RNF130: variants seen among roughly 807,000 people sequenced by gnomAD.
The protein encoded by RNF130 is ring finger protein 130, also known as E3 ubiquitin-protein ligase RNF130.
Under a neutral mutation model 44.6 loss-of-function variants are expected in RNF130, and 21 were observed. The ratio of observed to expected loss-of-function variants is 0.47; its 90% CI spans 0.33 to 0.68. The LOEUF (loss-of-function observed/expected upper bound fraction) is 0.68. RNF130 is among the 30% of genes least tolerant of loss of function. The pLI is 0.02. For missense variants in RNF130, 479 were observed against 560.6 expected (o/e 0.85, Z 1.47); for synonymous variants, 214 against 210.4 (o/e 1.02, Z -0.15).
At chr5:180,057,972 T>G (rs1764878337) in intron 1 of RNF130, among the ~76,000 whole-genome samples, 1 of 152,324 alleles carries the variant, frequency 6.6e-6, no homozygotes, top group Middle Eastern at 3.4e-3. Context: ...GGGTCTGCGC[T>G]AACTTTACCA....
chr5:180,035,218 ATG>A (rs1764219575), intron 2 of RNF130, among the ~76,000 whole-genome samples: 1 of 152,056 alleles, frequency 6.6e-6, no homozygotes, highest in Non-Finnish European at 1.5e-5. Flanking sequence ...ACAAATTCGG[ATG>A]TGTTTTCATT....
intron 1 of RNF130, among the ~76,000 whole-genome samples, chr5:180,063,520 T>C (rs1765033624): frequency 6.6e-6 from 1 of 152,168 alleles, no homozygotes. Context: ...GGAGATGTCT[T>C]TGTGACACTG....
At chr5:180,038,390 GAA>G (rs376909280) in intron 2 of RNF130, among the ~76,000 whole-genome samples, 17,829 of 128,312 alleles carry the variant, frequency 0.14, 1,303 homozygotes, top group East Asian at 0.29. Context: ...CGGGGAGGGG[GAA>G]AAAAAAAAAG....
chr5:179,914,106 C>T (rs551948306), exon 8 of RNF130: 2 of 152,372 alleles, frequency 1.3e-5, no homozygotes, highest in Admixed American at 6.5e-5. Flanking sequence ...AACAGCCTTT[C>T]CTAATGGGCT....
intron 2 of RNF130, chr5:180,015,273 A>G: frequency 2.0e-6 from 1 of 493,948 alleles, no homozygotes; most frequent in South Asian, 1.5e-5. Context: ...ATCTCTTAAA[A>G]TGTTGTTCAA....
chr5:179,920,796 T>TATAA (rs200144083), intron 7 of RNF130, among the ~76,000 whole-genome samples: 1 of 108,732 alleles, frequency 9.2e-6, no homozygotes, highest in Admixed American at 8.5e-5. Context: ...TATATATATA[T>TATAA]TTTTTTTTTT....
At chr5:180,056,109 A>C (rs1252553423) in intron 1 of RNF130, among the ~76,000 whole-genome samples, 1 of 152,052 alleles carries the variant, frequency 6.6e-6, no homozygotes, top group Non-Finnish European at 1.5e-5. Context: ...CAAAAACAAA[A>C]AAACAAACAA....
chr5:179,979,904 C>A (rs1233472872), intron 4 of RNF130, among the ~76,000 whole-genome samples: 3 of 152,108 alleles, frequency 2.0e-5, no homozygotes, highest in African/African-American at 4.8e-5. Context: ...ATGGTCCCAC[C>A]AGAATTCTCT....
At chr5:180,020,948 TG>T (rs1396362374) in intron 2 of RNF130, among the ~76,000 whole-genome samples, 1 of 152,218 alleles carries the variant, frequency 6.6e-6, no homozygotes, top group East Asian at 1.9e-4. Flanking sequence ...ACAGGTCACC[TG>T]GATTTAAGTC....
intron 4 of RNF130, 65 bp from the exon 5 acceptor site, chr5:179,978,350 T>C: frequency 9.6e-7 from 1 of 1,039,386 alleles, no homozygotes; most frequent in Non-Finnish European, 1.5e-6. Context: ...TGGGATGCAA[T>C]TCAGCTCAGA....
At chr5:180,059,242 T>C (rs955088369) in intron 1 of RNF130, among the ~76,000 whole-genome samples, 2 of 152,244 alleles carry the variant, frequency 1.3e-5, no homozygotes, top group African/African-American at 4.8e-5. Context: ...TATCTGCTCA[T>C]GCTGCCGTCT....
intron 1 of RNF130, among the ~76,000 whole-genome samples, chr5:180,048,537 C>G (rs1764621790): frequency 6.6e-6 from 1 of 152,086 alleles, no homozygotes; most frequent in Non-Finnish European, 1.5e-5. Flanking sequence ...CTTTGGGAGG[C>G]TGAGGTGGGA....
At chr5:179,968,992 C>T (rs143471957) in intron 6 of RNF130, among the ~76,000 whole-genome samples, 2,664 of 152,292 alleles carry the variant, frequency 0.017, 33 homozygotes, top group Non-Finnish European at 0.028. Flanking sequence ...CATTACTGCC[C>T]AACTGTATAC....
At chr5:180,009,913 C>A (rs976536271) in intron 3 of RNF130, among the ~76,000 whole-genome samples, 1 of 151,770 alleles carries the variant, frequency 6.6e-6, no homozygotes, top group African/African-American at 2.4e-5. Flanking sequence ...GGATATAGTT[C>A]GGCCATAAAA....
chr5:180,035,474 T>C (rs1455618700), intron 2 of RNF130, among the ~76,000 whole-genome samples: 1 of 152,252 alleles, frequency 6.6e-6, no homozygotes, highest in Non-Finnish European at 1.5e-5. Flanking sequence ...ATGTGTATTC[T>C]AGTCAGTATG....
At chr5:180,019,993 G>A (rs1763834796) in intron 2 of RNF130, among the ~76,000 whole-genome samples, 6 of 152,256 alleles carry the variant, frequency 3.9e-5, no homozygotes, top group Admixed American at 3.9e-4. Flanking sequence ...AAGCCAGGAG[G>A]GAAACTGGGA....
chr5:180,045,422 A>T (rs897785742), intron 1 of RNF130, among the ~76,000 whole-genome samples: 1 of 152,174 alleles, frequency 6.6e-6, no homozygotes, highest in Non-Finnish European at 1.5e-5. Context: ...AGACCTTCTC[A>T]GTGAGTGTTA....
chr5:180,002,555 C>G (rs985012297), intron 3 of RNF130, among the ~76,000 whole-genome samples: 1 of 152,168 alleles, frequency 6.6e-6, no homozygotes, highest in Non-Finnish European at 1.5e-5. Context: ...GTGGACTCAG[C>G]TGGGCTTAGT....
In RNF130 at chr5:179,974,342, C is replaced by T. The variant is rs191723181; in HGVS notation, c.849-3836G>A. Among the ~76,000 whole-genome samples, 81 of 152,318 alleles carry T rather than the reference C, an allele frequency of 5.3e-4. 1 individual carries two copies. Among genetic ancestry groups the T allele is most frequent in the Middle Eastern group, 6.8e-3 (2 of 294 alleles). ...AACGACTACACACTCCGATGGCCGA[C>T]CTTTAAGAGGTCTAATAAGACCAGG... On this transcript the variant is annotated intron_variant, in intron 5 of 8. Transcript: ENST00000521389.
Sources: gnomAD v4.1 joint callset for allele counts (sites outside exome capture counted in the v4.1 genomes callset) on GRCh38, gnomAD v4.1.1 for gene constraint, MANE v1.5 for transcripts, NCBI Gene and HGNC (gene_info 2026-07-23, HGNC 2026-07-21) for gene names.